The following LYPD6 variants were observed in gnomAD, a reference collection of about 807,000 sequenced individuals.
LYPD6 encodes the protein LY6/PLAUR domain containing 6, also known as ly6/PLAUR domain-containing protein 6.
In LYPD6, 15 loss-of-function variants were observed where a neutral mutation model predicts 22.7. The ratio of observed to expected loss-of-function variants is 0.66; its 90% CI spans 0.44 to 1.02. The LOEUF (loss-of-function observed/expected upper bound fraction) is 1.02, where lower values mean the gene tolerates loss of function less well. Ranked by LOEUF, LYPD6 falls within the 50% of genes least tolerant of loss-of-function variation. LYPD6 has a pLI of 0.00. For missense variants in LYPD6, 189 were observed against 208.4 expected (o/e 0.91, Z 0.57); for synonymous variants, 72 against 77.5 (o/e 0.93, Z 0.37).
At chr2:149,352,602 T>A (rs947114923) in intron 1 of LYPD6, among the ~76,000 whole-genome samples, 1 of 152,178 alleles carries the variant, frequency 6.6e-6, no homozygotes, top group African/African-American at 2.4e-5. Flanking sequence ...CAAATCTGGG[T>A]GGCTACCTCC....
intron 2 of LYPD6, among the ~76,000 whole-genome samples, chr2:149,443,391 T>G (rs1683611492): frequency 6.6e-6 from 1 of 152,232 alleles, no homozygotes; most frequent in Non-Finnish European, 1.5e-5. Flanking sequence ...CCCAGTGAAT[T>G]AATCATGCAA....
At chr2:149,449,186 T>TTCACTCACGGACAG in intron 3 of LYPD6, 39 bp downstream of exon 3, 6 of 1,440,778 alleles carry the variant, frequency 4.2e-6, no homozygotes, top group Non-Finnish European at 5.8e-6. Context: ...CCCTGGGCTG[T>TTCACTCACGGACAG]CCGTGAGTGA....
At chr2:149,411,622 T>G (rs1229267416) in intron 1 of LYPD6, among the ~76,000 whole-genome samples, 1 of 152,284 alleles carries the variant, frequency 6.6e-6, no homozygotes, top group East Asian at 1.9e-4. Context: ...TCACATGATA[T>G]GATTGACAGT....
intron 1 of LYPD6, among the ~76,000 whole-genome samples, chr2:149,377,295 G>C (rs955269613): frequency 5.7e-4 from 84 of 148,020 alleles, no homozygotes; most frequent in African/African-American, 2.0e-3. Context: ...GAATCTGCCT[G>C]CTTGGCTTAA....
At chr2:149,454,665 C>T (rs765815496) in intron 3 of LYPD6, among the ~76,000 whole-genome samples, 1 of 152,030 alleles carries the variant, frequency 6.6e-6, no homozygotes, top group Admixed American at 6.6e-5. Context: ...ACTGCCTGAC[C>T]GTTTGCAAAA....
downstream of LYPD6, among the ~76,000 whole-genome samples, chr2:149,477,234 C>T (rs1022843840): frequency 6.6e-6 from 1 of 152,186 alleles, no homozygotes; most frequent in Non-Finnish European, 1.5e-5. Context: ...TGTAGAGACA[C>T]ATTCTCCTTG....
At chr2:149,402,233 C>CGTGTGTGTGTGTGTGT (rs146124855) in intron 1 of LYPD6, among the ~76,000 whole-genome samples, 4 of 145,572 alleles carry the variant, frequency 2.7e-5, no homozygotes, top group African/African-American at 1.0e-4. Flanking sequence ...TGTGTGTTTG[C>CGTGTGTGTGTGTGTGT]GTGTGTGTGT....
At chr2:149,459,759 A>G (rs1343351065) in intron 3 of LYPD6, among the ~76,000 whole-genome samples, 1 of 151,980 alleles carries the variant, frequency 6.6e-6, no homozygotes, top group Non-Finnish European at 1.5e-5. Flanking sequence ...AAAATTAGCC[A>G]GGCTTGGTGG....
intron 3 of LYPD6, among the ~76,000 whole-genome samples, chr2:149,467,618 A>G (rs1056589881): frequency 5.3e-5 from 8 of 152,194 alleles, no homozygotes; most frequent in African/African-American, 1.9e-4. Context: ...AAATAATCTC[A>G]TAGAAGGTCA....
intron 1 of LYPD6, among the ~76,000 whole-genome samples, chr2:149,420,185 G>A (rs779885912): frequency 5.9e-5 from 9 of 152,158 alleles, no homozygotes; most frequent in Non-Finnish European, 1.2e-4. Flanking sequence ...ATGTCAGGGC[G>A]GGGGTCCCAG....
chr2:149,357,145 T>G (rs1436349706), intron 1 of LYPD6, among the ~76,000 whole-genome samples: 1 of 152,248 alleles, frequency 6.6e-6, no homozygotes, highest in East Asian at 1.9e-4. Context: ...TTAAGCCTTG[T>G]ATTTTTGGCT....
intron 3 of LYPD6, among the ~76,000 whole-genome samples, chr2:149,455,689 G>C (rs2105169108): frequency 6.6e-6 from 1 of 152,188 alleles, no homozygotes; most frequent in South Asian, 2.1e-4. Flanking sequence ...GCCTCAGCTG[G>C]GATGCTTCCA....
chr2:149,372,011 G>A (rs1681821144), intron 1 of LYPD6, among the ~76,000 whole-genome samples: 1 of 152,134 alleles, frequency 6.6e-6, no homozygotes, highest in Non-Finnish European at 1.5e-5. Flanking sequence ...CCTTCAGGTG[G>A]CACAATAACT....
intron 1 of LYPD6, among the ~76,000 whole-genome samples, chr2:149,433,559 T>C (rs1388823382): frequency 6.6e-6 from 1 of 152,222 alleles, no homozygotes; most frequent in Non-Finnish European, 1.5e-5. Context: ...GGCACCCTGC[T>C]TGTTATGAGG....
intron 1 of LYPD6, among the ~76,000 whole-genome samples, chr2:149,397,045 A>T (rs1405854876): frequency 6.6e-6 from 1 of 152,246 alleles, no homozygotes; most frequent in Non-Finnish European, 1.5e-5. Context: ...AACAGTTGTT[A>T]TACTGTATTT....
At chr2:149,360,151 T>G (rs1231569994) in intron 1 of LYPD6, among the ~76,000 whole-genome samples, 1 of 152,180 alleles carries the variant, frequency 6.6e-6, no homozygotes, top group Non-Finnish European at 1.5e-5. Context: ...GGAAGTGTCT[T>G]TTAGCATGCT....
chr2:149,470,627 G>C, intron 4 of LYPD6, 56 bp from the exon 5 acceptor site: 1 of 1,540,818 alleles, frequency 6.5e-7, no homozygotes, highest in Admixed American at 1.7e-5. Flanking sequence ...CAAAAACCCT[G>C]CCTCCTTCCA....
At chr2:149,469,550 G>A (rs1681283912) in intron 4 of LYPD6, among the ~76,000 whole-genome samples, 1 of 152,044 alleles carries the variant, frequency 6.6e-6, no homozygotes, top group Non-Finnish European at 1.5e-5. Flanking sequence ...TCAATACCTG[G>A]GAACAGCACT....
chr2:149,383,398 C>G (rs1274123515), intron 1 of LYPD6, among the ~76,000 whole-genome samples: 1 of 152,108 alleles, frequency 6.6e-6, no homozygotes, highest in Non-Finnish European at 1.5e-5. Flanking sequence ...AGGGTGATTG[C>G]TTTTGTGAGC....
Sources: gnomAD v4.1 joint callset for allele counts (sites outside exome capture counted in the v4.1 genomes callset) on GRCh38, gnomAD v4.1.1 for gene constraint, MANE v1.5 for transcripts, NCBI Gene and HGNC (gene_info 2026-07-23, HGNC 2026-07-21) for gene names.